The following NME7 variants were observed in gnomAD, a reference collection of about 807,000 sequenced individuals.
NME7 encodes the protein NME/NM23 family member 7, also known as nucleoside diphosphate kinase 7.
In NME7, 41 loss-of-function variants were observed where a neutral mutation model predicts 49.1. The observed-to-expected ratio is 0.83, with a 90% confidence interval of 0.65 to 1.08. NME7 has a LOEUF of 1.08. Ranked by LOEUF, NME7 falls within the 50% of genes least tolerant of loss-of-function variation. The pLI is 0.00. For synonymous variants in NME7, 139 were observed against 150.6 expected (o/e 0.92, Z 0.56); for missense variants, 423 against 463.4 (o/e 0.91, Z 0.80).
intron 1 of NME7, among the ~76,000 whole-genome samples, chr1:169,365,443 G>A (rs1321620753): frequency 6.6e-6 from 1 of 152,236 alleles, no homozygotes; most frequent in Non-Finnish European, 1.5e-5. Context: ...CAACAAGAGG[G>A]TGCAAGTATT....
chr1:169,256,259 A>C (rs1409370383), intron 7 of NME7, among the ~76,000 whole-genome samples: 1 of 132,436 alleles, frequency 7.6e-6, no homozygotes, highest in African/African-American at 2.6e-5. Flanking sequence ...GGCTTTACTC[A>C]TTTCTTTGTA....
At chr1:169,331,848 T>C (rs529945345) in intron 1 of NME7, among the ~76,000 whole-genome samples, 34 of 151,188 alleles carry the variant, frequency 2.2e-4, no homozygotes, top group African/African-American at 8.0e-4. Flanking sequence ...TCCATGTTCA[T>C]GGAATTGGAA....
intron 6 of NME7, among the ~76,000 whole-genome samples, chr1:169,294,123 T>A (rs915927056): frequency 1.3e-5 from 2 of 152,210 alleles, no homozygotes; most frequent in African/African-American, 4.8e-5. Context: ...CATTAAATAC[T>A]ATGTTCTAGG....
chr1:169,205,690 G>T (rs1330422684), intron 10 of NME7, among the ~76,000 whole-genome samples: 1 of 152,038 alleles, frequency 6.6e-6, no homozygotes, highest in Non-Finnish European at 1.5e-5. Context: ...TTCTGCTCCG[G>T]CCCCACTTTG....
At chr1:169,253,634 T>C (rs1036711210) in intron 7 of NME7, among the ~76,000 whole-genome samples, 5 of 152,250 alleles carry the variant, frequency 3.3e-5, no homozygotes, top group South Asian at 4.1e-4. Context: ...CATCCCTGTC[T>C]TGTGCCAGTT....
At chr1:169,285,314 T>C (rs1445318577) in intron 7 of NME7, 2 of 152,126 alleles carry the variant, frequency 1.3e-5, no homozygotes, top group Admixed American at 1.3e-4. Flanking sequence ...GGGTTTCAGA[T>C]TTTTGGATTA....
intron 7 of NME7, among the ~76,000 whole-genome samples, chr1:169,238,371 G>A (rs139595285): frequency 6.6e-6 from 1 of 151,900 alleles, no homozygotes; most frequent in Non-Finnish European, 1.5e-5. Context: ...TATAGTCTCT[G>A]GGCAAATGGG....
chr1:169,241,337 T>C (rs1012772425), intron 7 of NME7, among the ~76,000 whole-genome samples: 35 of 152,104 alleles, frequency 2.3e-4, no homozygotes, highest in African/African-American at 8.2e-4. Flanking sequence ...GCAGTGGCAG[T>C]TTTGTTCACC....
At chr1:169,250,694 A>T (rs1351324885) in intron 7 of NME7, among the ~76,000 whole-genome samples, 1 of 152,134 alleles carries the variant, frequency 6.6e-6, no homozygotes. Flanking sequence ...TTCCTTTCAA[A>T]GAATTTTTAA....
At chr1:169,276,779 T>C (rs1649750457) in intron 7 of NME7, among the ~76,000 whole-genome samples, 1 of 135,052 alleles carries the variant, frequency 7.4e-6, no homozygotes, top group South Asian at 2.3e-4. Flanking sequence ...ATTGTGATGT[T>C]AGGGTGTCAA....
intron 11 of NME7, among the ~76,000 whole-genome samples, chr1:169,156,893 C>T (rs1659092086): frequency 6.6e-6 from 1 of 152,192 alleles, no homozygotes; most frequent in Non-Finnish European, 1.5e-5. Flanking sequence ...CTTATATTAT[C>T]ATGATGTTTT....
chr1:169,229,217 C>T (rs1176310935), intron 10 of NME7, among the ~76,000 whole-genome samples: 2 of 152,210 alleles, frequency 1.3e-5, no homozygotes, highest in Non-Finnish European at 2.9e-5. Context: ...TACCATATTT[C>T]CTCTATCTAA....
In NME7 at chr1:169,272,523, C is replaced by G. The variant is rs1649526969; in HGVS notation, c.754+14780G>C. On this transcript the variant is annotated intron_variant, in intron 7 of 11. Transcript: ENST00000367811. Reference sequence around the variant, plus strand: ...ATGTATTCCTATTGTTCAGCTGCCACTGGTAAGTGAAAACATGCAGTGTTT... The same window carrying G: ...ATGTATTCCTATTGTTCAGCTGCCAGTGGTAAGTGAAAACATGCAGTGTTT... Among the ~76,000 whole-genome samples the G allele has an allele frequency of 1.6e-5, 2 of 124,774 alleles. 1 individual carries two copies. The highest frequency in any genetic ancestry group is 3.7e-5 in the Non-Finnish European group (2 of 53,918). 81.9% of individuals were successfully genotyped at this position (124,774 alleles called of 152,430 possible). A position where few individuals can be genotyped will look rare whatever the true frequency, so the allele number is the denominator to read the frequency against.
intron 5 of NME7, among the ~76,000 whole-genome samples, chr1:169,299,110 T>C (rs1303586235): frequency 6.6e-6 from 1 of 152,200 alleles, no homozygotes; most frequent in Admixed American, 6.5e-5. Context: ...TTTATTTACA[T>C]GTGTTTACCA....
chr1:169,135,014 CA>C (rs58463903), intron 11 of NME7, among the ~76,000 whole-genome samples: 579 of 50,262 alleles, frequency 0.012, 2 homozygotes, highest in African/African-American at 0.039. Context: ...CCCGTCTCTA[CA>C]AAAAAAAAAA....
At chr1:169,343,110 T>C (rs1487816094) in intron 1 of NME7, among the ~76,000 whole-genome samples, 2 of 150,428 alleles carry the variant, frequency 1.3e-5, no homozygotes, top group South Asian at 2.1e-4. Context: ...TTCCACACGA[T>C]TTTTTGTTGG....
chr1:169,195,591 A>G (rs964492896), intron 10 of NME7, among the ~76,000 whole-genome samples: 4 of 152,292 alleles, frequency 2.6e-5, no homozygotes, highest in African/African-American at 7.2e-5. Flanking sequence ...AACATCAGAA[A>G]GTTTACCTTG....
chr1:169,155,331 A>C (rs1196542584), intron 11 of NME7, among the ~76,000 whole-genome samples: 2 of 152,238 alleles, frequency 1.3e-5, no homozygotes, highest in African/African-American at 4.8e-5. Flanking sequence ...TGAGGGCAAC[A>C]AAGCAGTGAT....
At chr1:169,336,107 G>C (rs979389603) in intron 1 of NME7, among the ~76,000 whole-genome samples, 1 of 151,922 alleles carries the variant, frequency 6.6e-6, no homozygotes, top group Admixed American at 6.6e-5. Flanking sequence ...CGCTGGCTCA[G>C]GAGTGAAGCT....
Sources: gnomAD v4.1 joint callset for allele counts (sites outside exome capture counted in the v4.1 genomes callset) on GRCh38, gnomAD v4.1.1 for gene constraint, MANE v1.5 for transcripts, NCBI Gene and HGNC (gene_info 2026-07-23, HGNC 2026-07-21) for gene names.